Variants in HPSE observed in about 807,000 individuals in gnomAD.
The protein encoded by HPSE is endo-glucoronidase.
HPSE carries 48 observed loss-of-function variants against 65.1 expected under a neutral mutation model. The observed-to-expected ratio is 0.74, with a 90% CI of 0.58 to 0.94. The LOEUF is 0.94. Among genes scored for constraint, HPSE ranks in the 40% least tolerant of loss-of-function variants. The probability of loss-of-function intolerance (pLI) is 0.00; values close to 1 mark genes in which losing one functional copy is unlikely to be tolerated. For missense variants in HPSE, 644 were observed against 637.5 expected (o/e 1.01, Z -0.11); for synonymous variants, 243 against 260.0 (o/e 0.93, Z 0.63).
intron 11 of HPSE, among the ~76,000 whole-genome samples, chr4:83,296,485 C>T (rs985185340): frequency 1.3e-5 from 2 of 151,946 alleles, no homozygotes; most frequent in Admixed American, 1.3e-4. Flanking sequence ...ATCAGCCTGG[C>T]CAACATGGCA....
chr4:83,295,279 A>G lies in HPSE; in HGVS notation c.*65T>C, dbSNP rs1735679057. 16 of 1,402,924 alleles carry G rather than the reference A, an allele frequency of 1.1e-5. No homozygotes were observed. Among genetic ancestry groups the G allele is most frequent in the Non-Finnish European group, 1.4e-5 (14 of 1,027,398 alleles). 86.9% of individuals were successfully genotyped at this position (1,402,924 alleles called of 1,614,324 possible). On this transcript the variant is annotated 3_prime_UTR_variant, in exon 12 of 12. Coordinates refer to ENST00000311412, the MANE Select transcript of HPSE (RefSeq NM_001098540.3). ...GCAAGGTATCTGCTTCCTTTCCTATAACTTGAGTTGCTTTACTCTTAGTAT... is the reference window on the plus strand; with the variant it reads ...GCAAGGTATCTGCTTCCTTTCCTATGACTTGAGTTGCTTTACTCTTAGTAT...
chr4:83,328,771 AAGGCTTGAG>A, intron 1 of HPSE, among the ~76,000 whole-genome samples: 1 of 151,508 alleles, frequency 6.6e-6, no homozygotes, highest in South Asian at 2.1e-4. Context: ...GGCTTGGGGA[AAGGCTTGAG>A]GAAGAAGCCA....
chr4:83,313,670 A>G (rs1736512675), intron 3 of HPSE, among the ~76,000 whole-genome samples: 1 of 152,232 alleles, frequency 6.6e-6, no homozygotes, highest in Non-Finnish European at 1.5e-5. Context: ...TCACAAGTTC[A>G]GTTAAAAAAT....
chr4:83,317,723 C>G (rs1736708255), intron 3 of HPSE, among the ~76,000 whole-genome samples: 1 of 152,196 alleles, frequency 6.6e-6, no homozygotes, highest in African/African-American at 2.4e-5. Flanking sequence ...CCCCCCAAGA[C>G]TCACCTATAT....
At chr4:83,320,544 C>T (rs1284482823) in intron 2 of HPSE, among the ~76,000 whole-genome samples, 7 of 149,672 alleles carry the variant, frequency 4.7e-5, no homozygotes, top group East Asian at 2.0e-4. Flanking sequence ...CCAGCCTGGG[C>T]GACAGAGCCA....
At chr4:83,333,436 C>T (rs551465839) in intron 1 of HPSE, among the ~76,000 whole-genome samples, 3 of 152,278 alleles carry the variant, frequency 2.0e-5, no homozygotes, top group African/African-American at 2.4e-5. Flanking sequence ...ATTAAATTAG[C>T]GCTGGCAACT....
At position 83,308,129 on chromosome 4, in the gene HPSE, C is replaced by T. The variant is rs138602326; in HGVS notation, c.1091+716G>A. Among the ~76,000 whole-genome samples the T allele has an allele frequency of 9.4e-3, 1,424 of 150,844 alleles. 21 individuals are homozygous for T. Among genetic ancestry groups the T allele is most frequent in the African/African-American group, 0.033 (1,361 of 40,956 alleles). ...TTTTTTTTAAGAGACAGGGTGTGGC[C>T]GGGCGTGGTGGCTCATGTCCGTAAT... is the stretch of plus-strand genomic sequence containing the variant. On this transcript the variant is annotated intron_variant, in intron 8 of 11. Transcript: ENST00000311412.
intron 1 of HPSE, among the ~76,000 whole-genome samples, chr4:83,332,275 C>T (rs1737403814): frequency 1.3e-5 from 2 of 152,236 alleles, no homozygotes; most frequent in Admixed American, 1.3e-4. Context: ...GCTGTTTGGG[C>T]CCTGTGCCCC....
At position 83,334,714 on chromosome 4, in the gene HPSE, G is replaced by C. The variant is rs930704641; in HGVS notation, c.69C>G (p.Pro23=). 19 of 1,565,352 alleles carry C rather than the reference G, an allele frequency of 1.2e-5. No homozygotes were observed. Among genetic ancestry groups the C allele is most frequent in the Non-Finnish European group, 1.6e-5 (18 of 1,154,844 alleles). The change falls in exon 1 of 12, where the codon CCC becomes CCG. Residue 23 remains proline (P), a synonymous_variant. Transcript: ENST00000311412. ...LMLLLLGPLG[P]LSPGALPRPA... is the part of the protein sequence containing the mutation. Reference sequence around the variant, plus strand: ...GTCGGGGCAGGGCGCCAGGGGAGAGGGGACCCAGCGGCCCCAGGAGCAGCA... The same window carrying C: ...GTCGGGGCAGGGCGCCAGGGGAGAGCGGACCCAGCGGCCCCAGGAGCAGCA...
chr4:83,297,254 T>C (rs1735766566), intron 11 of HPSE, among the ~76,000 whole-genome samples: 1 of 152,132 alleles, frequency 6.6e-6, no homozygotes, highest in Admixed American at 6.5e-5. Context: ...GTTCACTCTA[T>C]GATGTTCACA....
chr4:83,298,819 C>T (rs951102870), intron 11 of HPSE, among the ~76,000 whole-genome samples: 6 of 151,978 alleles, frequency 3.9e-5, no homozygotes, highest in African/African-American at 1.5e-4. Flanking sequence ...CAGAATGAGA[C>T]CCCCGCCTCA....
chr4:83,325,235 G>A (rs1737102839), intron 1 of HPSE, among the ~76,000 whole-genome samples: 2 of 149,600 alleles, frequency 1.3e-5, no homozygotes, highest in African/African-American at 2.5e-5. Context: ...GCATGATCTC[G>A]GCTCACTGCC....
intron 10 of HPSE, 62 bp from the exon 11 acceptor site, chr4:83,301,168 A>G (rs1735934780): frequency 2.8e-6 from 3 of 1,072,300 alleles, no homozygotes; most frequent in African/African-American, 1.7e-5. Flanking sequence ...TAAAAACTCA[A>G]TTACAAATGT....
chr4:83,307,435 C>T (rs1736184040), intron 8 of HPSE, among the ~76,000 whole-genome samples: 1 of 151,146 alleles, frequency 6.6e-6, no homozygotes, highest in Admixed American at 6.6e-5. Context: ...CAGCAGAATC[C>T]CTCCCTTTAC....
At chr4:83,302,316 A>T in intron 9 of HPSE, 48 bp from the exon 10 acceptor site, 1 of 1,154,354 alleles carries the variant, frequency 8.7e-7, no homozygotes, top group Non-Finnish European at 1.3e-6. Flanking sequence ...ATGTTTACTT[A>T]TGTCCTTATT....
intron 6 of HPSE, 110 bp from the exon 7 acceptor site, chr4:83,309,605 A>G (rs1464485703): frequency 6.0e-6 from 4 of 670,540 alleles, no homozygotes; most frequent in Non-Finnish European, 1.0e-5. Flanking sequence ...ACCTGTTACT[A>G]AAAAAAGGTA....
intron 1 of HPSE, among the ~76,000 whole-genome samples, chr4:83,324,932 C>T (rs1737083792): frequency 6.6e-6 from 1 of 151,734 alleles, no homozygotes; most frequent in Admixed American, 6.6e-5. Context: ...GCGCATTTTG[C>T]CACAATAAAA....
At chr4:83,322,789 TTGTGTGTGTGTGTGTGTGTGTGTG>T (rs386400677) in intron 1 of HPSE, among the ~76,000 whole-genome samples, 9 of 104,004 alleles carry the variant, frequency 8.7e-5, no homozygotes, top group Non-Finnish European at 1.6e-4. Flanking sequence ...AAGAGCTTGT[TTGTGTGTGTGTGTGTGTGTGTGTG>T]TGTGTGTGTG....
At chr4:83,310,526 G>A (rs970342581) in intron 5 of HPSE, among the ~76,000 whole-genome samples, 196 bp downstream of exon 5, 1 of 152,042 alleles carries the variant, frequency 6.6e-6, no homozygotes, top group Non-Finnish European at 1.5e-5. Context: ...TTTTAAAGTA[G>A]CCAGGTGTGG....
Sources: gnomAD v4.1 joint callset for allele counts (sites outside exome capture counted in the v4.1 genomes callset) on GRCh38, gnomAD v4.1.1 for gene constraint, MANE v1.5 for transcripts, NCBI Gene and HGNC (gene_info 2026-07-23, HGNC 2026-07-21) for gene names.